Variants in BBS4 observed in about 807,000 individuals in gnomAD.
BBS4 encodes Bardet-Biedl syndrome 4, also known as BBSome complex member BBS4.
In BBS4, 58 loss-of-function variants were observed where a neutral mutation model predicts 71.4. The observed-to-expected ratio is 0.81, with a 90% confidence interval of 0.66 to 1.01. The LOEUF is 1.01. BBS4 is among the 50% of genes least tolerant of loss of function. The probability of loss-of-function intolerance (pLI) is 0.00; values close to 1 mark genes in which losing one functional copy is unlikely to be tolerated. For synonymous variants in BBS4, 228 were observed against 216.8 expected, an observed-to-expected ratio of 1.05 and a Z score of -0.46; for missense variants, 660 against 607.9, an observed-to-expected ratio of 1.09 and a Z score of -0.90.
intron 15 of BBS4, chr15:72,737,194 G>A (rs1365713928): frequency 1.1e-5 from 7 of 621,716 alleles, no homozygotes; most frequent in Non-Finnish European, 2.0e-5. Context: ...TCTATACACT[G>A]GTCTTTCCAA....
intron 10 of BBS4, among the ~76,000 whole-genome samples, chr15:72,730,232 A>G (rs57621041): frequency 0.12 from 18,665 of 151,004 alleles, 1,858 homozygotes; most frequent in East Asian, 0.52. Flanking sequence ...AGCTGAGATC[A>G]CGCGCCACTG....
In BBS4 at chr15:72,709,740, T is replaced by C. The variant is rs776003520; in HGVS notation, c.117T>C (p.Ile39=). 6.2e-7 allele frequency: 1 copy of C among 1,613,846 alleles called. No individual in the cohort carries two copies. The highest frequency in any genetic ancestry group is 1.7e-5 in the Admixed American group (1 of 60,018). Residue 39 remains isoleucine, a synonymous_variant, in exon 3 of 16, where the codon ATT becomes ATC. Coordinates refer to ENST00000268057, the MANE Select transcript of BBS4 (RefSeq NM_033028.5). ...FPILEKQNWL[I]HLHYIRKDYE... ...TTTTGGAGAAGCAGAACTGGTTGAT[T>C]CATCTTCATTATATCCGGAAAGATT...
Position 72,719,705 on chromosome 15 carries a change from T to C in BBS4, c.405+2855T>C, listed in dbSNP as rs539870749. Among the ~76,000 whole-genome samples, 80 of 151,954 alleles carry C rather than the reference T, an allele frequency of 5.3e-4. 1 individual carries two copies. The highest frequency in any genetic ancestry group is 1.5e-3 in the African/African-American group (61 of 41,448). ...ATTACTGACTCACTTGGGATAACCA[T>C]CCCATTGTTACTAGTAGATGTGATC... On this transcript the variant is annotated intron_variant, in intron 6 of 15. Transcript: ENST00000268057.
At position 72,731,699 on chromosome 15, in the gene BBS4, A is replaced by T. The variant is rs1021016026; in HGVS notation, c.1009A>T (p.Met337Leu). ...TGCGGCCATCAACTTCCAGCCAAAG[A>T]TGGGGGAGCTCTACATGCTCTTGGC... ...LSAAINFQPKMGELYMLLAVA... is the reference protein window; with the variant it reads ...LSAAINFQPKLGELYMLLAVA... Residue 337 changes from methionine to leucine, a missense_variant, in exon 12 of 16, where the codon ATG becomes TTG. By Grantham distance (15) the Met-to-Leu change is conservative. Transcript: ENST00000268057. The T allele has an allele frequency of 3.7e-6, 6 of 1,614,066 alleles. No homozygotes were observed. In the African/African-American group the frequency reaches 8.0e-5, roughly 22 times the overall value.
At chr15:72,711,968 A>G (rs562366160) in intron 3 of BBS4, among the ~76,000 whole-genome samples, 3 of 152,102 alleles carry the variant, frequency 2.0e-5, no homozygotes, top group Admixed American at 2.0e-4. Context: ...CCTGGGTTCA[A>G]GCGATTCTCC....
chr15:72,731,260 C>T (rs752568980), intron 10 of BBS4, 45 bp from the exon 11 acceptor site: 2 of 1,612,710 alleles, frequency 1.2e-6, no homozygotes, highest in Non-Finnish European at 1.7e-6. Flanking sequence ...ACTGCTACAG[C>T]CTTTTGGGAA....
intron 1 of BBS4, among the ~76,000 whole-genome samples, chr15:72,688,453 G>A (rs1465851846): frequency 3.4e-5 from 3 of 88,176 alleles, no homozygotes; most frequent in African/African-American, 4.3e-5. Context: ...TCACTTTGTC[G>A]CCCTGTCTGG....
In BBS4 at chr15:72,712,277, G is replaced by A. The variant is rs1270378763; in HGVS notation, c.190G>A (p.Gly64Arg). 6.2e-7 allele frequency: 1 copy of A among 1,613,984 alleles called. No homozygotes were observed. Reference sequence around the variant, plus strand: ...CAAAGAACAGCTTCAAGAGACTCAGGGATTGTGTGAATATGCTATCTATGT... The same window carrying A: ...CAAAGAACAGCTTCAAGAGACTCAGAGATTGTGTGAATATGCTATCTATGT... ...VIKEQLQETQ[G>R]LCEYAIYVQA... The change falls in exon 4 of 16, where the codon GGA becomes AGA. Residue 64 changes from glycine to arginine, a missense_variant. By Grantham distance (125) the Gly-to-Arg change is moderately radical. Coordinates refer to ENST00000268057, the MANE Select transcript of BBS4 (RefSeq NM_033028.5).
rs1484513218 is a variant in BBS4, at chr15:72,738,162, A to G, written c.*575A>G. The G allele has an allele frequency of 4.9e-5, 22 of 450,818 alleles. No individual in the cohort carries two copies. The Admixed American group carries it at 5.3e-4, about 11-fold the overall frequency. 27.9% of individuals were successfully genotyped at this position (450,818 alleles called of 1,614,324 possible). ...GAGTATTGCAGCTGCATTTGCCCAA[A>G]GGGAATCCAGAACAAGTCCCTCCCT... On this transcript the variant is annotated 3_prime_UTR_variant, in exon 16 of 16. Coordinates refer to ENST00000268057, the MANE Select transcript of BBS4 (RefSeq NM_033028.5).
chr15:72,720,944 G>C (rs886742795), intron 6 of BBS4, among the ~76,000 whole-genome samples: 1 of 152,164 alleles, frequency 6.6e-6, no homozygotes, highest in African/African-American at 2.4e-5. Context: ...ATTTTAAAAG[G>C]TCAGAGGTTA....
At chr15:72,718,574 G>A (rs1406164649) in intron 6 of BBS4, among the ~76,000 whole-genome samples, 3 of 152,130 alleles carry the variant, frequency 2.0e-5, no homozygotes, top group Admixed American at 6.5e-5. Flanking sequence ...TCTGTACATC[G>A]GAAGATTGAG....
intron 12 of BBS4, among the ~76,000 whole-genome samples, chr15:72,732,330 C>T (rs1325536564): frequency 3.3e-5 from 5 of 152,108 alleles, no homozygotes; most frequent in African/African-American, 1.2e-4. Context: ...CCATTCTCTT[C>T]CTGAAACTCC....
chr15:72,709,193 A>G (rs915352009), intron 2 of BBS4, among the ~76,000 whole-genome samples: 6 of 152,232 alleles, frequency 3.9e-5, no homozygotes, highest in Non-Finnish European at 5.9e-5. Flanking sequence ...TCAGGTGGGC[A>G]TCACGGTCCT....
At chr15:72,709,674 T>C in intron 2 of BBS4, 26 bp from the exon 3 acceptor site, 1 of 1,538,618 alleles carries the variant, frequency 6.5e-7, no homozygotes, top group Non-Finnish European at 9.0e-7. Flanking sequence ...ACTGTGTTGT[T>C]TGTTTTGTCA....
At chr15:72,710,994 A>C (rs1595922987) in intron 3 of BBS4, among the ~76,000 whole-genome samples, 1 of 137,824 alleles carries the variant, frequency 7.3e-6, no homozygotes, top group Non-Finnish European at 1.6e-5. Flanking sequence ...GTAGAGGTGG[A>C]GTTTCACCAT....
In BBS4 at chr15:72,729,689, T is replaced by G; in HGVS notation, c.711+5T>G. On this transcript the variant is annotated splice_donor_5th_base_variant and intron_variant, in intron 10 of 15. Coordinates refer to ENST00000268057, the MANE Select transcript of BBS4 (RefSeq NM_033028.5). Reference sequence around the variant, plus strand: ...TATGACCCTACCAACTACAAGGTATTACAGGCTGTGAAGGCTCTGGCCTTC... The same window carrying G: ...TATGACCCTACCAACTACAAGGTATGACAGGCTGTGAAGGCTCTGGCCTTC... 1 of 1,613,606 alleles carries G rather than the reference T, an allele frequency of 6.2e-7. No individual in the cohort carries two copies. The highest frequency in any genetic ancestry group is 1.3e-5 in the African/African-American group (1 of 75,012).
intron 9 of BBS4, among the ~76,000 whole-genome samples, chr15:72,728,596 A>G (rs1035886282): frequency 1.3e-5 from 2 of 152,200 alleles, no homozygotes; most frequent in African/African-American, 2.4e-5. Context: ...AGAGAAACAG[A>G]TACAAGTGAG....
At position 72,722,851 on chromosome 15, in the gene BBS4, A is replaced by G; in HGVS notation, c.459+4A>G. The G allele has an allele frequency of 6.2e-7, 1 of 1,612,516 alleles. No individual in the cohort carries two copies. Among genetic ancestry groups the G allele is most frequent in the Non-Finnish European group, 8.5e-7 (1 of 1,178,782 alleles). On this transcript the variant is annotated splice_donor_region_variant and intron_variant, in intron 7 of 15. Transcript: ENST00000268057. ...ATACCTGAAGCAGTTCAACAAGGTA[A>G]TTTATAGAAGTGGTGATAGATTTCA...
intron 2 of BBS4, chr15:72,704,395 C>T (rs2065227466): frequency 1.6e-6 from 2 of 1,241,848 alleles, no homozygotes; most frequent in Non-Finnish European, 2.1e-6. Context: ...CCTGTGAAAG[C>T]ATATAAGAAC....
Sources: gnomAD v4.1 joint callset for allele counts (sites outside exome capture counted in the v4.1 genomes callset) on GRCh38, gnomAD v4.1.1 for gene constraint, MANE v1.5 for transcripts, NCBI Gene and HGNC (gene_info 2026-07-23, HGNC 2026-07-21) for gene names.